The following QRICH2 variants were observed in gnomAD, a reference collection of about 807,000 sequenced individuals.
QRICH2 encodes the protein glutamine rich 2.
A neutral mutation model predicts 168.3 loss-of-function variants in QRICH2; 119 were observed. That is an observed-to-expected ratio of 0.71 (90% CI 0.61 to 0.82). The LOEUF is 0.82. Among genes scored for constraint, QRICH2 ranks in the 40% least tolerant of loss-of-function variants. The pLI, the probability that QRICH2 is intolerant of heterozygous loss-of-function variation, is 0.00. For missense variants in QRICH2, 2,241 were observed against 2,491.6 expected, an observed-to-expected ratio of 0.90 and a Z score of 2.14; for synonymous variants, 894 against 951.2, an observed-to-expected ratio of 0.94 and a Z score of 1.11.
chr17:76,301,296 G>A (rs60130147), intron 3 of QRICH2: 35,072 of 155,938 alleles, frequency 0.22, 4,455 homozygotes, highest in East Asian at 0.52. Context: ...AGGCCAGGGC[G>A]GTAGCTCATG....
chr17:76,292,873 A>ACGC lies in QRICH2; in HGVS notation c.1851_1853dup (p.Arg618dup), dbSNP rs1186302721. 1 of 1,602,358 alleles carries ACGC rather than the reference A, an allele frequency of 6.2e-7. No individual in the cohort carries two copies. The highest frequency in any genetic ancestry group is 1.7e-5 in the Admixed American group (1 of 59,198). ...GATCCATTCCAGGCCAGACCAAACC[A>ACGC]CGCTGATCTGCACCAGGTTGGGCCA... On this transcript the variant is annotated inframe_insertion, in exon 4 of 19. Transcript: ENST00000680821.
At position 76,292,437 on chromosome 17, in the gene QRICH2, G is replaced by C. The variant is rs1299300921; in HGVS notation, c.2290C>G (p.Pro764Ala). 3.2e-6 allele frequency: 5 copies of C among 1,568,952 alleles called. No individual in the cohort carries two copies. In the African/African-American group the frequency reaches 5.5e-5, roughly 17 times the overall value. ...PGADQRGLVQ[P>A]GADQHGLVQP... ...ACCAAACCATGCTGATCTGCACCAG[G>C]TTGGACCAAACCACGCTGATCTGCA... The change falls in exon 4 of 19, where the codon CCT becomes GCT. Residue 764 changes from proline (P) to alanine (A), a missense_variant. Physicochemically the swap from Pro to Ala is conservative, Grantham distance 27. This residue lies in a region of QRICH2 where 2,047 missense variants were observed against 2,303.8 expected (regional missense o/e 0.89). Transcript: ENST00000680821.
chr17:76,309,411 T>C (rs2071044274), upstream of QRICH2: 2 of 151,324 alleles, frequency 1.3e-5, no homozygotes, highest in South Asian at 4.2e-4. Flanking sequence ...GCGCCTGTGC[T>C]TGAGCTCATT....
Position 76,308,054 on chromosome 17 carries a change from C to T in QRICH2, c.-56G>A. Reference sequence around the variant, plus strand: ...GGGCGCCGGCCAACCACTTCCCGCTCACTGCACGCCGCGCCTTGGGGCCTT... The same window carrying T: ...GGGCGCCGGCCAACCACTTCCCGCTTACTGCACGCCGCGCCTTGGGGCCTT... On this transcript the variant is annotated 5_prime_UTR_variant, in exon 1 of 19. Coordinates refer to ENST00000680821, the MANE Select transcript of QRICH2 (RefSeq NM_001388453.1). The T allele has an allele frequency of 1.6e-6, 2 of 1,230,610 alleles. No individual in the cohort carries two copies. Among genetic ancestry groups the T allele is most frequent in the Non-Finnish European group, 2.0e-6 (2 of 987,160 alleles). 76.2% of individuals were successfully genotyped at this position (1,230,610 alleles called of 1,614,324 possible).
chr17:76,300,203 G>A lies in QRICH2; in HGVS notation c.705+4212C>T, dbSNP rs574471744. The stretch of plus-strand genomic sequence containing the variant: ...CAGTACATCTTCTCAGGGTGATGGC[G>A]GCAGACACCATGAGACTTACACATA... On this transcript the variant is annotated intron_variant, in intron 3 of 18. Coordinates refer to ENST00000680821, the MANE Select transcript of QRICH2 (RefSeq NM_001388453.1). Among the ~76,000 whole-genome samples, 10 of 152,110 alleles carry A rather than the reference G, an allele frequency of 6.6e-5. 1 individual carries two copies. Among genetic ancestry groups the A allele is most frequent in the Middle Eastern group, 6.8e-3 (2 of 294 alleles).
chr17:76,309,355 C>CA (rs371703805), upstream of QRICH2: 11,491 of 108,674 alleles, frequency 0.11, 771 homozygotes, highest in South Asian at 0.2. Flanking sequence ...GACTCTGTCT[C>CA]AAAAAAAAAA....
intron 16 of QRICH2, 126 bp downstream of exon 16, chr17:76,277,037 G>T: frequency 9.6e-7 from 1 of 1,037,356 alleles, no homozygotes; most frequent in Non-Finnish European, 1.4e-6. Context: ...GCTTTGACTG[G>T]GTCTGATTAA....
chr17:76,279,353 G>T lies in QRICH2; in HGVS notation c.4814+10C>A. The T allele has an allele frequency of 6.2e-7, 1 of 1,610,360 alleles. No individual in the cohort carries two copies. Among genetic ancestry groups the T allele is most frequent in the Non-Finnish European group, 8.5e-7 (1 of 1,177,898 alleles). ...ATGCGAGGCCACGTGCCGGCGGTGT[G>T]GGCACTCACTGTCCAGTCACAGGTG... On this transcript the variant is annotated intron_variant, in intron 13 of 18. Transcript: ENST00000680821.
chr17:76,276,293 G>C (rs1021285215), intron 17 of QRICH2, among the ~76,000 whole-genome samples: 1 of 152,190 alleles, frequency 6.6e-6, no homozygotes, highest in African/African-American at 2.4e-5. Flanking sequence ...CGCAGGCTTC[G>C]GGCATTGCCA....
At chr17:76,297,870 G>GTTTTTTTTTTTTTTTTTTTTT (rs1169251679) in intron 3 of QRICH2, among the ~76,000 whole-genome samples, 5 of 79,476 alleles carry the variant, frequency 6.3e-5, no homozygotes, top group Non-Finnish European at 7.0e-5. Context: ...TTAGGAATCT[G>GTTTTTTTTTTTTTTTTTTTTT]TTTTTTTTTT....
intron 7 of QRICH2, 105 bp downstream of exon 7, chr17:76,287,087 C>CACACACACACACACACACACACAT (rs1420517359): frequency 6.6e-6 from 2 of 301,860 alleles, no homozygotes; most frequent in African/African-American, 1.0e-4. Flanking sequence ...CACACACACA[C>CACACACACACACACACACACACAT]ATGATGGGAG....
Position 76,307,321 on chromosome 17 carries a change from C to A in QRICH2, c.534+144G>T. The A allele has an allele frequency of 1.3e-6, 1 of 767,066 alleles. No homozygotes were observed. The highest frequency in any genetic ancestry group is 1.7e-5 in the African/African-American group (1 of 57,376). 47.5% of individuals were successfully genotyped at this position (767,066 alleles called of 1,614,324 possible). The stretch of plus-strand genomic sequence containing the variant: ...ATGGGCCACTCTATTTAGCCAGTCG[C>A]ACTGAGGTCTGGCACCTCCTCGGTC... On this transcript the variant is annotated intron_variant, in intron 1 of 18. Coordinates refer to ENST00000680821, the MANE Select transcript of QRICH2 (RefSeq NM_001388453.1). This position sits in a 1 kb window ranked among gnomAD's most constrained non-coding sequence, Gnocchi z 5.3.
chr17:76,278,186 G>C lies in QRICH2; in HGVS notation c.4920C>G (p.Leu1640=), dbSNP rs1325151431. The change falls in exon 15 of 19, where the codon CTC becomes CTG. Residue 1640 remains leucine, a synonymous_variant. Transcript: ENST00000680821. ...LEQVRQHSRN[L]KLGSAFPRGD... ...CCCGAGGGAAGGCGCTGCCCAGCTT[G>C]AGGCTGCAGGGTGTGAGCAGAACAG... is the stretch of plus-strand genomic sequence containing the variant. The C allele has an allele frequency of 1.2e-6, 2 of 1,604,766 alleles. No homozygotes were observed. The highest frequency in any genetic ancestry group is 2.2e-5 in the South Asian group (2 of 91,054).
rs776578148 is a variant in QRICH2, at chr17:76,280,907, T to G, written c.4310A>C (p.Gln1437Pro). 12 of 1,612,870 alleles carry G rather than the reference T, an allele frequency of 7.4e-6. No homozygotes were observed. The African/African-American group carries it at 1.6e-4, about 22-fold the overall frequency. ...GATGTTGAGCTTCTCGCAGTCACCC[T>G]GCACCTGCAGGATGGCACTCTGCAC... is the stretch of plus-strand genomic sequence containing the variant. Reference protein sequence around the residue: ...GRVQSAILQVQGDCEKLNITT... With the variant: ...GRVQSAILQVPGDCEKLNITT... The change falls in exon 9 of 19, where the codon CAG becomes CCG. Residue 1437 changes from glutamine (Q) to proline (P), a missense_variant. Gln to Pro is a moderately conservative substitution (Grantham distance 76). Around this residue, in one of 3 missense-constraint regions of QRICH2, gnomAD observed 2,047 missense variants for 2,303.8 expected, o/e 0.89. Coordinates refer to ENST00000680821, the MANE Select transcript of QRICH2 (RefSeq NM_001388453.1). The surrounding 1 kb of genome is among the most constrained non-coding windows in gnomAD (Gnocchi z 7.4).
intron 14 of QRICH2, 41 bp downstream of exon 14, chr17:76,279,000 G>T (rs367873399): frequency 3.9e-6 from 6 of 1,532,380 alleles, no homozygotes; most frequent in Non-Finnish European, 4.5e-6. Context: ...CAGAGCCCTG[G>T]CCCCGGACCC....
chr17:76,309,956 T>C (rs1161041608), upstream of QRICH2: 2 of 152,040 alleles, frequency 1.3e-5, no homozygotes, highest in African/African-American at 2.4e-5. Flanking sequence ...AGTAGGCCTT[T>C]AAGGGGTTAT....
At chr17:76,288,442 C>CACCTG (rs2070930832) in intron 5 of QRICH2, among the ~76,000 whole-genome samples, 2 of 141,098 alleles carry the variant, frequency 1.4e-5, no homozygotes, top group South Asian at 4.5e-4. Context: ...TGGTGGATCA[C>CACCTG]ACCTGTAATC....
chr17:76,287,881 C>T lies in QRICH2; in HGVS notation c.3815G>A (p.Arg1272Lys). The change falls in exon 6 of 19, where the codon AGG (arginine) becomes AAG (lysine). Residue 1272 changes from arginine to lysine, a missense_variant. Coordinates refer to ENST00000680821, the MANE Select transcript of QRICH2 (RefSeq NM_001388453.1). ...TTGATTCCCTTCCCCTTCCAGGATC[C>T]TCTGCAGCCTTTCCACCTACAAACC... ...QEKAKVERLQ[R>K]ILEGEGNQEA... The T allele has an allele frequency of 6.2e-7, 1 of 1,614,076 alleles. No individual in the cohort carries two copies. The highest frequency in any genetic ancestry group is 8.5e-7 in the Non-Finnish European group (1 of 1,179,966).
At chr17:76,282,427 G>A (rs2070807056) in intron 7 of QRICH2, among the ~76,000 whole-genome samples, 1 of 152,200 alleles carries the variant, frequency 6.6e-6, no homozygotes, top group Non-Finnish European at 1.5e-5. Context: ...ATCGTAAAGT[G>A]CTGCTGCCAG....
Sources: allele counts gnomAD v4.1 joint callset (sites outside exome capture counted in the v4.1 genomes callset), GRCh38; gene constraint gnomAD v4.1.1; regional missense constraint gnomAD v4.1.1; non-coding constraint Gnocchi (gnomAD v3.1); transcripts MANE v1.5; gene names NCBI Gene and HGNC (gene_info 2026-07-23, HGNC 2026-07-21).